Variants in PTPRK observed in about 807,000 individuals in gnomAD.
The protein encoded by PTPRK is protein tyrosine phosphatase receptor type K, also known as receptor-type tyrosine-protein phosphatase kappa.
A neutral mutation model predicts 178.0 loss-of-function variants in PTPRK; 75 were observed. The observed-to-expected ratio is 0.42, with a 90% CI of 0.35 to 0.51. The LOEUF is 0.51. PTPRK is among the 20% of genes least tolerant of loss of function. The probability of loss-of-function intolerance (pLI) is 0.02; values close to 1 mark genes in which losing one functional copy is unlikely to be tolerated. For synonymous variants in PTPRK, 637 were observed against 620.6 expected (o/e 1.03, Z -0.39); for missense variants, 1,441 against 1,797.8 (o/e 0.80, Z 3.59).
chr6:127,990,486 T>C (rs2114658533), intron 21 of PTPRK, among the ~76,000 whole-genome samples: 1 of 152,260 alleles, frequency 6.6e-6, no homozygotes, highest in African/African-American at 2.4e-5. Flanking sequence ...AACATTATTT[T>C]TCTCTATATC....
At chr6:128,326,421 T>A (rs1016416857) in intron 2 of PTPRK, among the ~76,000 whole-genome samples, 1 of 152,166 alleles carries the variant, frequency 6.6e-6, no homozygotes, top group Non-Finnish European at 1.5e-5. Flanking sequence ...GCCTAACTCA[T>A]TACACTATTT....
At chr6:128,122,557 A>G (rs565900710) in intron 7 of PTPRK, among the ~76,000 whole-genome samples, 1 of 152,300 alleles carries the variant, frequency 6.6e-6, no homozygotes, top group Admixed American at 6.5e-5. Context: ...GGTTCCATAG[A>G]AGGATTCAGA....
At chr6:128,439,992 G>T (rs1360807569) in intron 1 of PTPRK, among the ~76,000 whole-genome samples, 1 of 152,144 alleles carries the variant, frequency 6.6e-6, no homozygotes, top group Non-Finnish European at 1.5e-5. Flanking sequence ...AACAGAGCTG[G>T]AACTGCACAG....
chr6:128,392,140 C>T (rs1839681983), intron 2 of PTPRK, among the ~76,000 whole-genome samples: 2 of 152,166 alleles, frequency 1.3e-5, no homozygotes, highest in Admixed American at 1.3e-4. Context: ...ATCAAGGTGG[C>T]TCCTCAGAAA....
chr6:128,366,009 G>C (rs1450179045), intron 2 of PTPRK, among the ~76,000 whole-genome samples: 1 of 152,086 alleles, frequency 6.6e-6, no homozygotes, highest in African/African-American at 2.4e-5. Flanking sequence ...TCTAAGTTCA[G>C]ATCAGTCACA....
At chr6:128,413,348 C>A (rs1011227496) in intron 1 of PTPRK, among the ~76,000 whole-genome samples, 1 of 151,762 alleles carries the variant, frequency 6.6e-6, no homozygotes, top group Non-Finnish European at 1.5e-5. Context: ...AAGGAAAACG[C>A]AGAGCTCTAC....
rs185557849 is a variant in PTPRK, at chr6:128,213,350, T to C, written c.868+5572A>G. On this transcript the variant is annotated intron_variant, in intron 6 of 29. Coordinates refer to ENST00000368226, the MANE Select transcript of PTPRK (RefSeq NM_002844.4). Reference sequence around the variant, plus strand: ...AGTAAAATTTTTAAATATGAGAGATTTGGAGACTCCTCCAAATTTGACACA... The same window carrying C: ...AGTAAAATTTTTAAATATGAGAGATCTGGAGACTCCTCCAAATTTGACACA... Among the ~76,000 whole-genome samples, 5 of 152,150 alleles carry C rather than the reference T, an allele frequency of 3.3e-5. No individual in the cohort carries two copies. In the East Asian group the frequency reaches 9.6e-4, roughly 29 times the overall value.
intron 13 of PTPRK, among the ~76,000 whole-genome samples, chr6:128,042,772 A>C (rs1328384712): frequency 6.6e-6 from 1 of 152,054 alleles, no homozygotes; most frequent in East Asian, 1.9e-4. Context: ...GGCCCCAACC[A>C]AGAATTATCA....
chr6:127,981,827 T>C (rs1775372672), intron 24 of PTPRK, among the ~76,000 whole-genome samples: 1 of 152,154 alleles, frequency 6.6e-6, no homozygotes, highest in Admixed American at 6.5e-5. Flanking sequence ...TTATTATTAT[T>C]ATTACTATTA....
chr6:128,455,554 G>T (rs1469028181), intron 1 of PTPRK, among the ~76,000 whole-genome samples: 1 of 152,118 alleles, frequency 6.6e-6, no homozygotes, highest in African/African-American at 2.4e-5. Context: ...AGAAGCAAGT[G>T]ACCTGACTCC....
At chr6:128,190,352 C>G (rs1175253414) in intron 6 of PTPRK, among the ~76,000 whole-genome samples, 1 of 152,050 alleles carries the variant, frequency 6.6e-6, no homozygotes. Flanking sequence ...GCTCACAATG[C>G]AGTCAGCAAA....
chr6:128,363,604 T>G (rs1246355199), intron 2 of PTPRK, among the ~76,000 whole-genome samples: 1 of 152,078 alleles, frequency 6.6e-6, no homozygotes, highest in Non-Finnish European at 1.5e-5. Context: ...CACACCCCCA[T>G]GTCTTGGCTC....
chr6:127,993,279 A>T (rs1776801706), intron 18 of PTPRK, among the ~76,000 whole-genome samples: 1 of 151,754 alleles, frequency 6.6e-6, no homozygotes, highest in Non-Finnish European at 1.5e-5. Context: ...GTTAATTTAC[A>T]CACACATAAT....
At chr6:127,997,288 T>A (rs1777268960) in intron 16 of PTPRK, among the ~76,000 whole-genome samples, 1 of 152,144 alleles carries the variant, frequency 6.6e-6, no homozygotes. Context: ...CAAAGTATCA[T>A]TCTTTTCAAA....
intron 2 of PTPRK, among the ~76,000 whole-genome samples, chr6:128,355,631 C>A (rs2128339466): frequency 6.6e-6 from 1 of 152,194 alleles, no homozygotes; most frequent in South Asian, 2.1e-4. Flanking sequence ...TCTTTACACA[C>A]ACCGGGGCCT....
At chr6:128,378,022 G>C in intron 2 of PTPRK, among the ~76,000 whole-genome samples, 1 of 152,032 alleles carries the variant, frequency 6.6e-6, no homozygotes, top group East Asian at 1.9e-4. Context: ...CTGTGATCAT[G>C]GTTTGCTTTT....
chr6:128,463,747 T>G (rs1378287685), intron 1 of PTPRK, among the ~76,000 whole-genome samples: 1 of 132,382 alleles, frequency 7.6e-6, no homozygotes, highest in East Asian at 2.0e-4. Flanking sequence ...CACGGTTTTT[T>G]TTTTTTTTTT....
chr6:128,492,524 A>T (rs558910191), intron 1 of PTPRK, among the ~76,000 whole-genome samples: 1 of 148,640 alleles, frequency 6.7e-6, no homozygotes, highest in East Asian at 1.9e-4. Context: ...CTTGAAACTT[A>T]TTTGTCTTTT....
At chr6:128,223,812 T>G (rs1350179388) in intron 5 of PTPRK, among the ~76,000 whole-genome samples, 2 of 152,130 alleles carry the variant, frequency 1.3e-5, no homozygotes, top group Non-Finnish European at 2.9e-5. Context: ...GGACTAAAAT[T>G]CAAAACTAGG....
Sources: allele counts gnomAD v4.1 joint callset (sites outside exome capture counted in the v4.1 genomes callset), GRCh38; gene constraint gnomAD v4.1.1; transcripts MANE v1.5; gene names NCBI Gene and HGNC (gene_info 2026-07-23, HGNC 2026-07-21).